The following CHFR variants were observed in gnomAD, a reference collection of about 807,000 sequenced individuals.
The protein encoded by CHFR is checkpoint with forkhead and ring finger domains.
In CHFR, 57 loss-of-function variants were observed where a neutral mutation model predicts 87.6. The ratio of observed to expected loss-of-function variants is 0.65; its 90% CI spans 0.53 to 0.81. The LOEUF (loss-of-function observed/expected upper bound fraction) is 0.81, where lower values mean the gene tolerates loss of function less well. CHFR is among the 30% of genes least tolerant of loss of function. CHFR has a pLI of 0.00. For missense variants in CHFR, 797 were observed against 865.8 expected (o/e 0.92, Z 1.00); for synonymous variants, 381 against 359.2 (o/e 1.06, Z -0.69).
intron 2 of CHFR, among the ~76,000 whole-genome samples, chr12:132,878,098 G>A (rs1020810873): frequency 6.9e-5 from 10 of 145,550 alleles, no homozygotes; most frequent in South Asian, 2.6e-4. Flanking sequence ...CACCGCGCCC[G>A]GCCCATCCTG....
rs1270728071 is a variant in CHFR, at chr12:132,836,374, G to A, written c.*5180C>T. ...GTGACAGGCTCCCAGCACGGCGCAC[G>A]GCCCTCACAGTGACAGGCTCCCAGC... On this transcript the variant is annotated 3_prime_UTR_variant, in exon 18 of 18. Coordinates refer to ENST00000450056, the MANE Select transcript of CHFR (RefSeq NM_001161346.2). The A allele has an allele frequency of 6.5e-5, 20 of 308,502 alleles. No homozygotes were observed. The highest frequency in any genetic ancestry group is 6.5e-4 in the African/African-American group (18 of 27,878). The allele number at this position is 308,502 out of a possible 1,614,324, so 19.1% of individuals were successfully genotyped here.
At chr12:132,842,119 A>G (rs1950715858) in intron 17 of CHFR, among the ~76,000 whole-genome samples, 1 of 151,966 alleles carries the variant, frequency 6.6e-6, no homozygotes, top group South Asian at 2.1e-4. Flanking sequence ...AAAAAAAAAA[A>G]AAAAAAAAAG....
intron 12 of CHFR, 27 bp from the exon 13 acceptor site, chr12:132,848,751 G>T: frequency 6.6e-7 from 1 of 1,518,946 alleles, no homozygotes; most frequent in Middle Eastern, 1.7e-4. Flanking sequence ...CTCGTTACAC[G>T]CACTCAGCGC....
intron 17 of CHFR, among the ~76,000 whole-genome samples, 153 bp from the exon 18 acceptor site, chr12:132,841,749 C>T (rs1950707812): frequency 6.6e-6 from 1 of 151,708 alleles, no homozygotes; most frequent in Admixed American, 6.6e-5. Flanking sequence ...GTGCTTCTCA[C>T]AATATCAAAG....
rs75992503 is a variant in CHFR at position 132,882,070 on chromosome 12, G to C, written c.134-4416C>G. On this transcript the variant is annotated intron_variant, in intron 2 of 17. Transcript: ENST00000450056. The stretch of plus-strand genomic sequence containing the variant: ...ATAGTTACTTAGCTAAGAGAAAAAT[G>C]TATGTCCCTACAAAGACTGCACACT... Among the ~76,000 whole-genome samples the C allele has an allele frequency of 2.6e-3, 391 of 152,250 alleles. 4 individuals are homozygous for C. The highest frequency in any genetic ancestry group is 9.1e-3 in the African/African-American group (380 of 41,542).
At chr12:132,869,838 TA>T in intron 5 of CHFR, 40 bp from the exon 6 acceptor site, 1 of 1,549,668 alleles carries the variant, frequency 6.5e-7, no homozygotes, top group Non-Finnish European at 8.7e-7. Context: ...TTAGCTTCTG[TA>T]ACCCAAAAGG....
Position 132,841,634 on chromosome 12 carries a change from T to C in CHFR, c.1917-38A>G, listed in dbSNP as rs76832928. On this transcript the variant is annotated intron_variant, in intron 17 of 17. Coordinates refer to ENST00000450056, the MANE Select transcript of CHFR (RefSeq NM_001161346.2). ...AATGGCCAAATTACACAAGAGAGCA[T>C]TGGAGAGGCAATCAAATAAATTACA... The C allele has an allele frequency of 4.5e-3, 6,848 of 1,537,254 alleles. 243 individuals are homozygous for C. In the African/African-American group the frequency reaches 0.079, roughly 18 times the overall value.
chr12:132,872,324 C>T lies in CHFR; in HGVS notation c.304G>A (p.Val102Ile), dbSNP rs1593510705. Residue 102 changes from valine to isoleucine, a missense_variant, in exon 4 of 18, where the codon GTC (valine) becomes ATC (isoleucine). Transcript: ENST00000450056. ...TTCTTCCTGTACACCAAGTAGATGA[C>T]ATCCCCAGTCTGTAAAGGGCATGTC... ...KQTCPLQTGD[V>I]IYLVYRKNEP... The T allele has an allele frequency of 1.9e-6, 3 of 1,613,440 alleles. No individual in the cohort carries two copies. The highest frequency in any genetic ancestry group is 2.5e-6 in the Non-Finnish European group (3 of 1,179,394).
chr12:132,879,009 G>GTT (rs71079148), intron 2 of CHFR, among the ~76,000 whole-genome samples: 1 of 121,840 alleles, frequency 8.2e-6, no homozygotes, highest in African/African-American at 3.0e-5. Context: ...GTTTTTGTTT[G>GTT]TTTTTTTTTT....
chr12:132,848,041 A>G, intron 14 of CHFR, 44 bp downstream of exon 14: 1 of 1,613,596 alleles, frequency 6.2e-7, no homozygotes, highest in African/African-American at 1.3e-5. Context: ...TGCACTAGGG[A>G]GAAAATGTGG....
intron 17 of CHFR, 28 bp from the exon 18 acceptor site, chr12:132,841,624 C>A: frequency 6.3e-7 from 1 of 1,591,778 alleles, no homozygotes; most frequent in Non-Finnish European, 8.6e-7. Flanking sequence ...CCAAATTACA[C>A]AAGAGAGCAT....
intron 15 of CHFR, among the ~76,000 whole-genome samples, 167 bp from the exon 16 acceptor site, chr12:132,844,301 T>C (rs917389617): frequency 4.6e-5 from 7 of 152,250 alleles, no homozygotes; most frequent in Non-Finnish European, 7.3e-5. Flanking sequence ...TTTATTTTTA[T>C]TGAGACGGAG....
At chr12:132,864,811 ATAAG>A (rs1951297119) in intron 6 of CHFR, among the ~76,000 whole-genome samples, 1 of 152,188 alleles carries the variant, frequency 6.6e-6, no homozygotes, top group Admixed American at 6.6e-5. Flanking sequence ...TTTTAATTAC[ATAAG>A]TAATATATAA....
chr12:132,884,429 C>CAT (rs966851235), intron 2 of CHFR, among the ~76,000 whole-genome samples: 57 of 146,538 alleles, frequency 3.9e-4, no homozygotes, highest in African/African-American at 7.7e-4. Context: ...AAAAAAAATA[C>CAT]ATATATATAT....
rs1319716667 is a variant in CHFR, at chr12:132,857,452, T to C, written c.1019A>G (p.Asn340Ser). 1.2e-6 allele frequency: 2 copies of C among 1,613,904 alleles called. No individual in the cohort carries two copies. The highest frequency in any genetic ancestry group is 1.7e-6 in the Non-Finnish European group (2 of 1,179,992). The change falls in exon 9 of 18, where the codon AAC (asparagine) becomes AGC (serine). Residue 340 changes from asparagine (N) to serine (S), a missense_variant. Asn to Ser is a conservative substitution (Grantham distance 46, BLOSUM62 1). Coordinates refer to ENST00000450056, the MANE Select transcript of CHFR (RefSeq NM_001161346.2). ...TTCCACGAGGTTGTTGAGGATGTGG[T>C]TTTTACAGATCCGCTCCACGGGACA... ...CRCPVERICK[N>S]HILNNLVEAY...
chr12:132,851,590 G>A (rs750545709), intron 12 of CHFR, 28 bp downstream of exon 12: 4 of 1,587,638 alleles, frequency 2.5e-6, no homozygotes, highest in East Asian at 4.5e-5. Context: ...ATAGGAACCC[G>A]CCTGCGTGCG....
intron 15 of CHFR, among the ~76,000 whole-genome samples, chr12:132,845,018 A>G (rs537545141): frequency 6.6e-6 from 1 of 152,242 alleles, no homozygotes; most frequent in Non-Finnish European, 1.5e-5. Context: ...TATGTCTTGA[A>G]AACCAAATTG....
rs79786051 is a variant in CHFR, at chr12:132,839,934, C to T, written c.*1620G>A. The T allele has an allele frequency of 8.8e-4, 92 of 104,754 alleles. 1 individual carries two copies. Among genetic ancestry groups the T allele is most frequent in the Non-Finnish European group, 1.1e-3 (59 of 54,424 alleles). 6.5% of individuals were successfully genotyped at this position (104,754 alleles called of 1,614,324 possible). A position where few individuals can be genotyped will look rare whatever the true frequency, so the allele number is the denominator to read the frequency against. On this transcript the variant is annotated 3_prime_UTR_variant, in exon 18 of 18. Coordinates refer to ENST00000450056, the MANE Select transcript of CHFR (RefSeq NM_001161346.2). ...AAACTTGGGACCTCCCCCTTAGCCT[C>T]GCCCCTGCACTAACTCGGGACCTCC...
intron 6 of CHFR, chr12:132,865,847 T>C (rs1951322878): frequency 6.6e-6 from 1 of 151,938 alleles, no homozygotes; most frequent in South Asian, 2.1e-4. Context: ...TTTTATATTG[T>C]ATTTTTTGTA....
Sources: allele counts gnomAD v4.1 joint callset (sites outside exome capture counted in the v4.1 genomes callset), GRCh38; gene constraint gnomAD v4.1.1; transcripts MANE v1.5; gene names NCBI Gene and HGNC (gene_info 2026-07-23, HGNC 2026-07-21).